Variants in AXDND1 observed in about 807,000 individuals in gnomAD.
AXDND1 encodes axonemal dynein light chain domain-containing protein 1.
Under a neutral mutation model 137.5 loss-of-function variants are expected in AXDND1, and 110 were observed. The observed-to-expected ratio is 0.80, with a 90% CI of 0.69 to 0.94. The LOEUF (loss-of-function observed/expected upper bound fraction) is 0.94, where lower values mean the gene tolerates loss of function less well. Ranked by LOEUF, AXDND1 falls within the 40% of genes least tolerant of loss-of-function variation. The pLI is 0.00. For synonymous variants in AXDND1, 414 were observed against 399.7 expected (o/e 1.04, Z -0.43); for missense variants, 1,191 against 1,169.8 (o/e 1.02, Z -0.26).
chr1:179,468,573 A>C lies in AXDND1; in HGVS notation c.1929A>C (p.Lys643Asn). ...QEIDEKINEM[K>N]SHLDILLNLT... ...TAGATGAAAAAATTAATGAAATGAA[A>C]TCACACTTGGATATATTGTTAAACC... The change falls in exon 17 of 26, where the codon AAA becomes AAC. Residue 643 changes from lysine (K) to asparagine (N), a missense_variant. Physicochemically the swap from Lys to Asn is moderately conservative, Grantham distance 94 (BLOSUM62 0). Coordinates refer to ENST00000367618, the MANE Select transcript of AXDND1 (RefSeq NM_144696.6). 1.2e-6 allele frequency: 2 copies of C among 1,613,132 alleles called. No homozygotes were observed. Among genetic ancestry groups the C allele is most frequent in the Non-Finnish European group, 1.7e-6 (2 of 1,179,708 alleles).
intron 15 of AXDND1, among the ~76,000 whole-genome samples, chr1:179,438,101 A>C (rs983423803): frequency 5.9e-5 from 9 of 152,158 alleles, no homozygotes; most frequent in Non-Finnish European, 1.0e-4. Flanking sequence ...GCAGTGAGCC[A>C]AGATCGTGCC....
intron 16 of AXDND1, among the ~76,000 whole-genome samples, chr1:179,464,734 T>C (rs1662877736): frequency 1.3e-5 from 2 of 152,236 alleles, no homozygotes; most frequent in African/African-American, 4.8e-5. Flanking sequence ...CCATTCTCCC[T>C]GTCACTTTCA....
intron 11 of AXDND1, among the ~76,000 whole-genome samples, chr1:179,395,857 C>G (rs765284122): frequency 6.6e-6 from 1 of 152,052 alleles, no homozygotes; most frequent in Non-Finnish European, 1.5e-5. Context: ...TTTTAGGAAA[C>G]AAAATTTTAT....
At chr1:179,383,350 A>C in intron 7 of AXDND1, 92 bp from the exon 8 acceptor site, 1 of 908,254 alleles carries the variant, frequency 1.1e-6, no homozygotes, top group Non-Finnish European at 1.7e-6. Context: ...GAGAGCATAT[A>C]TATTCTCTTT....
intron 17 of AXDND1, among the ~76,000 whole-genome samples, chr1:179,474,112 C>T (rs1305415837): frequency 6.6e-6 from 1 of 151,516 alleles, no homozygotes; most frequent in Non-Finnish European, 1.5e-5. Context: ...GTAATCCCAG[C>T]TACTTGGGAG....
chr1:179,387,680 T>C (rs946037038), intron 9 of AXDND1, among the ~76,000 whole-genome samples: 1 of 152,224 alleles, frequency 6.6e-6, no homozygotes, highest in Non-Finnish European at 1.5e-5. Flanking sequence ...TGTTAGGTCT[T>C]TAGGTGGGAC....
chr1:179,398,981 A>G (rs536294632), intron 11 of AXDND1, among the ~76,000 whole-genome samples: 71 of 152,286 alleles, frequency 4.7e-4, no homozygotes, highest in African/African-American at 1.5e-3. Context: ...ATGCCTGCAC[A>G]CACATGGGCC....
In AXDND1 at chr1:179,466,278, TCTTC is replaced by T. The variant is rs1386024169; in HGVS notation, c.1799-2164_1799-2161del. Among the ~76,000 whole-genome samples, 10 of 119,480 alleles carry T rather than the reference TCTTC, an allele frequency of 8.4e-5. 1 individual carries two copies. Among genetic ancestry groups the T allele is most frequent in the Non-Finnish European group, 8.3e-5 (5 of 59,896 alleles). 78.4% of individuals were successfully genotyped at this position (119,480 alleles called of 152,430 possible). On this transcript the variant is annotated intron_variant, in intron 16 of 25. Coordinates refer to ENST00000367618, the MANE Select transcript of AXDND1 (RefSeq NM_144696.6). Reference sequence around the variant, plus strand: ...CTCTTTTCTTTTCTTTCTTTCTTCTTCTTCTTCTTTTTTTTTTTTTTTTTTGAGA... The same window carrying T: ...CTCTTTTCTTTTCTTTCTTTCTTCTTTTCTTTTTTTTTTTTTTTTTTGAGA...
chr1:179,489,592 C>G (rs1222838470), intron 18 of AXDND1, among the ~76,000 whole-genome samples: 1 of 152,112 alleles, frequency 6.6e-6, no homozygotes, highest in Non-Finnish European at 1.5e-5. Context: ...GCCTTTTTAA[C>G]TCTTTCTCAG....
At chr1:179,507,739 A>G (rs1373518794) in intron 20 of AXDND1, among the ~76,000 whole-genome samples, 3 of 151,976 alleles carry the variant, frequency 2.0e-5, no homozygotes, top group African/African-American at 7.2e-5. Context: ...CCAGGTCACC[A>G]CTGCATATGG....
At chr1:179,445,656 T>C (rs544701663) in intron 16 of AXDND1, among the ~76,000 whole-genome samples, 31 of 152,310 alleles carry the variant, frequency 2.0e-4, no homozygotes, top group Admixed American at 5.9e-4. Context: ...ATGTTTTCAA[T>C]GTTCATCCAT....
At chr1:179,532,782 G>A (rs1397338397) in intron 23 of AXDND1, among the ~76,000 whole-genome samples, 2 of 152,126 alleles carry the variant, frequency 1.3e-5, no homozygotes, top group East Asian at 1.9e-4. Flanking sequence ...CCACTTGGGA[G>A]GCTGAGGTGG....
At chr1:179,411,392 T>C in intron 12 of AXDND1, 126 bp downstream of exon 12, 1 of 1,262,282 alleles carries the variant, frequency 7.9e-7, no homozygotes, top group Non-Finnish European at 1.1e-6. Flanking sequence ...TTGCTTAGGC[T>C]GGAATTCAGT....
At chr1:179,417,880 T>A (rs576635360) in intron 12 of AXDND1, among the ~76,000 whole-genome samples, 63 of 152,146 alleles carry the variant, frequency 4.1e-4, no homozygotes, top group Non-Finnish European at 7.8e-4. Flanking sequence ...GTCTTTTTTT[T>A]AATCAGAGTT....
chr1:179,447,791 G>T (rs747809791), intron 16 of AXDND1: 8 of 1,305,914 alleles, frequency 6.1e-6, no homozygotes, highest in African/African-American at 1.4e-5. Context: ...TTCCCCACTG[G>T]GCTGCTTCCA....
chr1:179,519,652 C>A (rs755861362), intron 21 of AXDND1, among the ~76,000 whole-genome samples: 5 of 152,048 alleles, frequency 3.3e-5, no homozygotes, highest in Non-Finnish European at 7.4e-5. Flanking sequence ...GGAATTCTTT[C>A]CCTATTGCTT....
At chr1:179,432,101 C>A (rs1657457978) in intron 14 of AXDND1, among the ~76,000 whole-genome samples, 166 bp from the exon 15 acceptor site, 4 of 152,124 alleles carry the variant, frequency 2.6e-5, no homozygotes, top group Admixed American at 2.6e-4. Context: ...TTTATGTTTA[C>A]AAATTTAATG....
At chr1:179,465,658 G>A (rs900002721) in intron 16 of AXDND1, among the ~76,000 whole-genome samples, 4 of 152,232 alleles carry the variant, frequency 2.6e-5, no homozygotes, top group African/African-American at 9.6e-5. Context: ...CTGTCAGCCA[G>A]GGATGTTTAA....
intron 17 of AXDND1, among the ~76,000 whole-genome samples, chr1:179,475,707 A>ATG (rs1320507924): frequency 6.6e-6 from 1 of 152,224 alleles, no homozygotes; most frequent in African/African-American, 2.4e-5. Flanking sequence ...TTTTGAATAA[A>ATG]TGCTGAAATG....
Sources: allele counts gnomAD v4.1 joint callset (sites outside exome capture counted in the v4.1 genomes callset), GRCh38; gene constraint gnomAD v4.1.1; transcripts MANE v1.5; gene names NCBI Gene and HGNC (gene_info 2026-07-23, HGNC 2026-07-21).